The following C16orf95 variants were observed in gnomAD, a reference collection of about 807,000 sequenced individuals.
C16orf95 encodes the protein uncharacterized protein C16orf95.
C16orf95 carries 41 observed loss-of-function variants against 32.1 expected under a neutral mutation model. The ratio of observed to expected loss-of-function variants is 1.28; its 90% CI spans 1.00 to 1.66. The LOEUF is 1.66. Ranked by LOEUF, C16orf95 falls within the 40% of genes most tolerant of loss-of-function variation. C16orf95 has a pLI of 0.00. For missense variants in C16orf95, 399 were observed against 325.9 expected, an observed-to-expected ratio of 1.22 and a Z score of -1.73; for synonymous variants, 147 against 128.9, an observed-to-expected ratio of 1.14 and a Z score of -0.95.
At chr16:87,306,302 G>A (rs926015122) in intron 5 of C16orf95, among the ~76,000 whole-genome samples, 17 of 152,204 alleles carry the variant, frequency 1.1e-4, no homozygotes, top group African/African-American at 3.9e-4. Context: ...TCTCCACTTC[G>A]GGGTATATTT....
chr16:87,312,858 G>A (rs1482598562), intron 3 of C16orf95, among the ~76,000 whole-genome samples: 1 of 152,052 alleles, frequency 6.6e-6, no homozygotes, highest in African/African-American at 2.4e-5. Flanking sequence ...AAGAACAATA[G>A]ACAAAAAATC....
At chr16:87,315,938 G>C in intron 1 of C16orf95, 115 bp from the exon 2 acceptor site, 1 of 589,802 alleles carries the variant, frequency 1.7e-6, no homozygotes, top group Non-Finnish European at 2.7e-6. Context: ...AAGCCCACGG[G>C]TGGTGGGGAT....
intron 3 of C16orf95, among the ~76,000 whole-genome samples, chr16:87,312,457 T>C (rs577157624): frequency 2.0e-5 from 3 of 150,594 alleles, no homozygotes; most frequent in South Asian, 4.2e-4. Flanking sequence ...TAATCTCAGC[T>C]ACCCGGGAGA....
intron 5 of C16orf95, among the ~76,000 whole-genome samples, chr16:87,308,256 G>A (rs1440854695): frequency 2.6e-5 from 4 of 152,120 alleles, no homozygotes; most frequent in African/African-American, 2.4e-5. Context: ...GCCAAGGTGG[G>A]AGGATCACGA....
At chr16:87,312,939 A>G (rs557745144) in intron 3 of C16orf95, among the ~76,000 whole-genome samples, 1 of 152,256 alleles carries the variant, frequency 6.6e-6, no homozygotes, top group African/African-American at 2.4e-5. Flanking sequence ...CAAAATTATG[A>G]AATACTTATG....
chr16:87,310,295 A>C lies in C16orf95; in HGVS notation c.514+2T>G. The C allele has an allele frequency of 6.5e-7, 1 of 1,536,116 alleles. No homozygotes were observed. The highest frequency in any genetic ancestry group is 8.7e-7 in the Non-Finnish European group (1 of 1,146,906). On this transcript the variant is annotated splice_donor_variant, in intron 5 of 6. Transcript: ENST00000567970. LOFTEE classifies it high-confidence loss of function. ...TATGAGACACACACACACTGGAGTT[A>C]CCTTGGATGCCTTTCAAACTCTGCT...
chr16:87,311,067 T>G (rs1419719302), intron 4 of C16orf95, 83 bp downstream of exon 4: 2 of 1,292,120 alleles, frequency 1.5e-6, no homozygotes, highest in Non-Finnish European at 2.1e-6. Flanking sequence ...GGTACCCCTC[T>G]TCCCCTTCTT....
intron 1 of C16orf95, 35 bp downstream of exon 1, chr16:87,317,056 C>G: frequency 6.8e-7 from 1 of 1,475,132 alleles, no homozygotes; most frequent in Non-Finnish European, 9.0e-7. Flanking sequence ...GGCGAGGTGT[C>G]GGGTAGCCGC....
chr16:87,306,673 C>T (rs969205598), intron 5 of C16orf95, among the ~76,000 whole-genome samples: 1 of 152,282 alleles, frequency 6.6e-6, no homozygotes, highest in Middle Eastern at 3.4e-3. Context: ...GAAAGTGTCT[C>T]ACATTTTTAA....
intron 5 of C16orf95, among the ~76,000 whole-genome samples, 166 bp downstream of exon 5, chr16:87,310,131 G>C (rs1272581370): frequency 6.6e-6 from 1 of 152,182 alleles, no homozygotes; most frequent in Non-Finnish European, 1.5e-5. Flanking sequence ...GGCAGTGGGT[G>C]ACCAGGGATG....
intron 3 of C16orf95, among the ~76,000 whole-genome samples, chr16:87,313,629 G>C (rs1285728195): frequency 6.6e-6 from 1 of 152,102 alleles, no homozygotes. Context: ...CAGCTACTTG[G>C]GGGGTGAGGG....
At chr16:87,309,916 G>A (rs35882412) in intron 5 of C16orf95, among the ~76,000 whole-genome samples, 83,491 of 151,906 alleles carry the variant, frequency 0.55, 23,429 homozygotes, top group Non-Finnish European at 0.6. Context: ...TATATAATAG[G>A]GTACACATAG....
intron 5 of C16orf95, among the ~76,000 whole-genome samples, chr16:87,309,797 A>C (rs1461011046): frequency 6.6e-6 from 1 of 152,220 alleles, no homozygotes; most frequent in African/African-American, 2.4e-5. Flanking sequence ...GTGAATGTAC[A>C]TACACTAGGT....
In C16orf95 at chr16:87,315,843, A is replaced by G. The variant is rs1472713138; in HGVS notation, c.153-20T>C. The stretch of plus-strand genomic sequence containing the variant: ...CTATTCCTAGAAGAGAAGAACAGAA[A>G]AGCTTAGGGTTTGTGTAAACTAGGG... On this transcript the variant is annotated intron_variant, in intron 1 of 6. Transcript: ENST00000567970. 4.6e-6 allele frequency: 7 copies of G among 1,521,974 alleles called. No homozygotes were observed. The highest frequency in any genetic ancestry group is 1.4e-5 in the African/African-American group (1 of 72,500). 94.3% of individuals were successfully genotyped at this position (1,521,974 alleles called of 1,614,324 possible).
intron 1 of C16orf95, among the ~76,000 whole-genome samples, 167 bp downstream of exon 1, chr16:87,316,924 C>A (rs1417666992): frequency 6.6e-6 from 1 of 152,200 alleles, no homozygotes; most frequent in Middle Eastern, 3.2e-3. Flanking sequence ...CTGACATTTT[C>A]AGTTATGTGG....
Position 87,302,838 on chromosome 16 carries a change from A to G in C16orf95, c.*219T>C. The stretch of plus-strand genomic sequence containing the variant: ...GTTTAGAGTTTCACAAATAACATTT[A>G]TTGACCACATTCATAACAGAAACTC... On this transcript the variant is annotated 3_prime_UTR_variant, in exon 7 of 7. Coordinates refer to ENST00000567970, the MANE Select transcript of C16orf95 (RefSeq NM_001195124.3). 1 of 578,250 alleles carries G rather than the reference A, an allele frequency of 1.7e-6. No homozygotes were observed. The highest frequency in any genetic ancestry group is 3.1e-6 in the Non-Finnish European group (1 of 321,336). 35.8% of individuals were successfully genotyped at this position (578,250 alleles called of 1,614,324 possible).
chr16:87,311,600 C>T (rs1911287893), intron 3 of C16orf95, among the ~76,000 whole-genome samples: 1 of 152,248 alleles, frequency 6.6e-6, no homozygotes. Context: ...GGAGACCTGG[C>T]TCTGTCCTGG....
intron 5 of C16orf95, among the ~76,000 whole-genome samples, chr16:87,309,642 C>T (rs983035583): frequency 3.3e-5 from 5 of 151,964 alleles, no homozygotes; most frequent in Admixed American, 1.3e-4. Flanking sequence ...CTTCAGCTAC[C>T]CAAAGTGCTG....
At chr16:87,307,794 A>G (rs1211225208) in intron 5 of C16orf95, among the ~76,000 whole-genome samples, 1 of 152,150 alleles carries the variant, frequency 6.6e-6, no homozygotes, top group East Asian at 1.9e-4. Context: ...AATAAAAAAT[A>G]TCAACTTTGT....
Sources: allele counts gnomAD v4.1 joint callset (sites outside exome capture counted in the v4.1 genomes callset), GRCh38; gene constraint gnomAD v4.1.1; transcripts MANE v1.5; gene names NCBI Gene and HGNC (gene_info 2026-07-23, HGNC 2026-07-21).